TTC17: variants seen among roughly 807,000 people sequenced by gnomAD.
TTC17 encodes tetratricopeptide repeat domain 17, also known as tetratricopeptide repeat protein 17.
TTC17 carries 58 observed loss-of-function variants against 143.8 expected under a neutral mutation model. The observed-to-expected ratio is 0.40, with a 90% confidence interval of 0.33 to 0.50. The LOEUF is 0.50. Among genes scored for constraint, TTC17 ranks in the 20% least tolerant of loss-of-function variants. The pLI is 0.49. For missense variants in TTC17, 1,273 were observed against 1,392.5 expected (o/e 0.91, Z 1.37); for synonymous variants, 501 against 497.8 (o/e 1.01, Z -0.09).
chr11:43,455,668 T>C (rs1270262120), intron 21 of TTC17, among the ~76,000 whole-genome samples: 1 of 152,120 alleles, frequency 6.6e-6, no homozygotes, highest in African/African-American at 2.4e-5. Flanking sequence ...CTAAAAATAT[T>C]ATTTCTCAGT....
At chr11:43,406,413 T>C (rs1858134714) in intron 13 of TTC17, among the ~76,000 whole-genome samples, 1 of 152,124 alleles carries the variant, frequency 6.6e-6, no homozygotes, top group South Asian at 2.1e-4. Flanking sequence ...CTGCAAACAT[T>C]AGAAGTTCAA....
chr11:43,420,847 TCATC>T (rs1565157161), intron 16 of TTC17, among the ~76,000 whole-genome samples: 2 of 152,186 alleles, frequency 1.3e-5, no homozygotes, highest in African/African-American at 2.4e-5. Context: ...TCACAGCTAT[TCATC>T]CAGTCATTAT....
At chr11:43,464,090 A>C (rs1947923193) in intron 21 of TTC17, among the ~76,000 whole-genome samples, 1 of 152,114 alleles carries the variant, frequency 6.6e-6, no homozygotes, top group Admixed American at 6.5e-5. Flanking sequence ...AGCCTGGCCA[A>C]CATGATGAAA....
intron 19 of TTC17, 29 bp from the exon 20 acceptor site, chr11:43,450,053 T>A: frequency 1.2e-6 from 2 of 1,601,540 alleles, no homozygotes. Context: ...AAATTTCCCA[T>A]AGCTAATGTG....
intron 16 of TTC17, among the ~76,000 whole-genome samples, chr11:43,424,825 G>T (rs1435297221): frequency 6.6e-6 from 1 of 152,162 alleles, no homozygotes; most frequent in Non-Finnish European, 1.5e-5. Context: ...AAACCTTGAT[G>T]GGCAATTGAA....
Position 43,444,118 on chromosome 11 carries a change from A to G in TTC17, c.2574A>G (p.Lys858=). 1 of 1,613,518 alleles carries G rather than the reference A, an allele frequency of 6.2e-7. No individual in the cohort carries two copies. The highest frequency in any genetic ancestry group is 8.5e-7 in the Non-Finnish European group (1 of 1,179,712). ...PKGDHKKTPG[K]KVETGQIENG... The stretch of plus-strand genomic sequence containing the variant: ...GAGATCATAAGAAAACTCCTGGGAA[A>G]AAAGTAGAAACAGGTCAGATAGAAA... Residue 858 remains lysine (K), a synonymous_variant, in exon 18 of 24, where the codon AAA becomes AAG. Transcript: ENST00000039989.
At chr11:43,418,094 C>G (rs1394575529) in intron 16 of TTC17, among the ~76,000 whole-genome samples, 4 of 152,164 alleles carry the variant, frequency 2.6e-5, no homozygotes, top group African/African-American at 9.7e-5. Flanking sequence ...TACACAATCA[C>G]TATGCTAAAA....
chr11:43,359,617 G>T (rs1485295172), intron 1 of TTC17, among the ~76,000 whole-genome samples: 1 of 152,158 alleles, frequency 6.6e-6, no homozygotes, highest in East Asian at 1.9e-4. Flanking sequence ...GGTGGATTTC[G>T]TTTCTGGTTG....
At chr11:43,383,079 T>G (rs1392749213) in intron 2 of TTC17, among the ~76,000 whole-genome samples, 2 of 152,018 alleles carry the variant, frequency 1.3e-5, no homozygotes, top group African/African-American at 4.8e-5. Flanking sequence ...TTATTTTTTG[T>G]AGAGACAGCG....
intron 21 of TTC17, among the ~76,000 whole-genome samples, chr11:43,456,904 A>T (rs536112566): frequency 6.6e-6 from 1 of 152,240 alleles, no homozygotes; most frequent in South Asian, 2.1e-4. Flanking sequence ...AAACTTAGGA[A>T]CGGTAGAGTG....
chr11:43,370,675 C>T (rs576621685), intron 1 of TTC17, among the ~76,000 whole-genome samples: 1 of 151,704 alleles, frequency 6.6e-6, no homozygotes, highest in East Asian at 1.9e-4. Flanking sequence ...TACATGTTCA[C>T]TGTAGAAAAA....
rs1288091510 is a variant in TTC17 at position 43,371,002 on chromosome 11, ATGT to A, written c.160-8226_160-8224del. 3.0e-5 allele frequency among the ~76,000 whole-genome samples: 3 copies of A among 100,128 alleles called. No homozygotes were observed. In the East Asian group the frequency reaches 1.0e-3, roughly 34 times the overall value. 65.7% of individuals were successfully genotyped at this position (100,128 alleles called of 152,430 possible). ...GTTTTTGTAGAGATGGGGTTTTGCT[ATGT>A]TGTTCGGGGAGGGGAGGTGGGGGGG... On this transcript the variant is annotated intron_variant, in intron 1 of 23. Transcript: ENST00000039989.
chr11:43,363,035 T>C (rs1336827579), intron 1 of TTC17, among the ~76,000 whole-genome samples: 3 of 152,184 alleles, frequency 2.0e-5, no homozygotes, highest in African/African-American at 7.2e-5. Context: ...CGCTGGTACC[T>C]GAAACCTAGT....
intron 21 of TTC17, among the ~76,000 whole-genome samples, chr11:43,480,862 CA>C (rs1036402991): frequency 1.3e-5 from 1 of 79,074 alleles, no homozygotes. Context: ...GAGGATGAGC[CA>C]AAAAAAATCA....
intron 11 of TTC17, among the ~76,000 whole-genome samples, chr11:43,404,905 G>A (rs192785515): frequency 1.3e-5 from 2 of 152,042 alleles, no homozygotes; most frequent in Non-Finnish European, 2.9e-5. Flanking sequence ...TTAGTTCAGG[G>A]AAAAGTAGTG....
At chr11:43,435,120 T>C (rs1272895267) in intron 16 of TTC17, 1 of 152,106 alleles carries the variant, frequency 6.6e-6, no homozygotes, top group Non-Finnish European at 1.5e-5. Flanking sequence ...GATAGATAGA[T>C]AGATAGATAG....
At chr11:43,479,564 A>G (rs562800566) in intron 21 of TTC17, among the ~76,000 whole-genome samples, 1 of 152,366 alleles carries the variant, frequency 6.6e-6, no homozygotes, top group African/African-American at 2.4e-5. Flanking sequence ...AAGTAAAAAG[A>G]AATCCATACC....
chr11:43,398,143 A>G (rs1196708605), intron 8 of TTC17, 30 bp downstream of exon 8: 4 of 1,612,490 alleles, frequency 2.5e-6, no homozygotes, highest in South Asian at 2.2e-5. Flanking sequence ...TCACTCAAGC[A>G]TTAGCACTAT....
intron 1 of TTC17, among the ~76,000 whole-genome samples, chr11:43,368,537 A>G (rs995848938): frequency 6.6e-6 from 1 of 152,146 alleles, no homozygotes. Flanking sequence ...GAATCCAGCC[A>G]TGTCTTTCCA....
Sources: gnomAD v4.1 joint callset for allele counts (sites outside exome capture counted in the v4.1 genomes callset) on GRCh38, gnomAD v4.1.1 for gene constraint, MANE v1.5 for transcripts, NCBI Gene and HGNC (gene_info 2026-07-23, HGNC 2026-07-21) for gene names.